Variants in KCNMA1 observed in about 807,000 individuals in gnomAD.
KCNMA1 encodes Calcium-activated potassium channel subunit alpha-1.
A neutral mutation model predicts 140.0 loss-of-function variants in KCNMA1; 29 were observed. The ratio of observed to expected loss-of-function variants is 0.21; its 90% CI spans 0.15 to 0.28. The LOEUF is 0.28. Ranked by LOEUF, KCNMA1 falls within the 10% of genes least tolerant of loss-of-function variation. The pLI, the probability that KCNMA1 is intolerant of heterozygous loss-of-function variation, is 1.00. For synonymous variants in KCNMA1, 612 were observed against 611.9 expected (o/e 1.00, Z 0.00); for missense variants, 880 against 1,602.2 (o/e 0.55, Z 7.70).
intron 1 of KCNMA1, among the ~76,000 whole-genome samples, chr10:77,572,439 C>A (rs1346553985): frequency 4.1e-5 from 6 of 145,078 alleles, no homozygotes; most frequent in Middle Eastern, 3.5e-3. Flanking sequence ...TACTTCTTAT[C>A]AAAAAAAAAT....
intron 1 of KCNMA1, among the ~76,000 whole-genome samples, chr10:77,447,970 A>C (rs920978241): frequency 1.3e-5 from 2 of 152,234 alleles, no homozygotes; most frequent in African/African-American, 4.8e-5. Flanking sequence ...TATAAATAGC[A>C]GGGTTTACGG....
chr10:77,336,949 G>A (rs531978512), intron 2 of KCNMA1, among the ~76,000 whole-genome samples: 8 of 152,228 alleles, frequency 5.3e-5, no homozygotes, highest in Non-Finnish European at 1.5e-5. Flanking sequence ...GCTGTGGGTA[G>A]AGCCTGTGCT....
chr10:77,300,776 A>G (rs950246819), intron 2 of KCNMA1, among the ~76,000 whole-genome samples: 15 of 152,230 alleles, frequency 9.9e-5, no homozygotes, highest in African/African-American at 3.1e-4. Context: ...GGTGCCTACC[A>G]AGCCACCATC....
At chr10:77,526,676 A>C (rs2055808585) in intron 1 of KCNMA1, among the ~76,000 whole-genome samples, 1 of 152,196 alleles carries the variant, frequency 6.6e-6, no homozygotes, top group African/African-American at 2.4e-5. Flanking sequence ...GGCACCTTGA[A>C]ACTGAATTCT....
intron 5 of KCNMA1, among the ~76,000 whole-genome samples, chr10:77,146,721 A>G (rs1292240406): frequency 6.8e-6 from 1 of 146,248 alleles, no homozygotes; most frequent in Non-Finnish European, 1.5e-5. Flanking sequence ...AAAAAAAAAA[A>G]AAAAAAAAAG....
chr10:77,189,576 A>G (rs763485729), intron 3 of KCNMA1, among the ~76,000 whole-genome samples: 5 of 152,166 alleles, frequency 3.3e-5, no homozygotes, highest in Non-Finnish European at 5.9e-5. Flanking sequence ...AGGGATAAAG[A>G]AATGGTAAGT....
intron 19 of KCNMA1, chr10:76,973,920 T>A (rs2076788229): frequency 6.6e-6 from 1 of 152,232 alleles, no homozygotes; most frequent in Admixed American, 6.5e-5. Flanking sequence ...TAGATGGACC[T>A]GATGCTCAGC....
At position 77,002,763 on chromosome 10, in the gene KCNMA1, C is replaced by T. The variant is rs2086913145; in HGVS notation, c.2093-1183G>A. Among the ~76,000 whole-genome samples, 3 of 152,184 alleles carry T rather than the reference C, an allele frequency of 2.0e-5. No homozygotes were observed. The South Asian group carries it at 6.2e-4, about 32-fold the overall frequency. ...GTTTTTGTACCTCATTTTGATGCTA[C>T]AACAGGCAAACATGTTTGCTTATCA... On this transcript the variant is annotated intron_variant, in intron 18 of 27. Coordinates refer to ENST00000286628, the MANE Select transcript of KCNMA1 (RefSeq NM_001161352.2).
chr10:77,480,166 C>G (rs1157048641), intron 1 of KCNMA1, among the ~76,000 whole-genome samples: 1 of 152,226 alleles, frequency 6.6e-6, no homozygotes, highest in Non-Finnish European at 1.5e-5. Context: ...TCCCCCACAC[C>G]CCTAAACCAC....
chr10:76,870,657 T>G (rs1335460265), exon 28 of KCNMA1: 1 of 152,266 alleles, frequency 6.6e-6, no homozygotes, highest in African/African-American at 2.4e-5. Context: ...TGCAGTGACA[T>G]GCACAGGAAG....
At chr10:77,100,790 CCAAT>C (rs2097078182) in intron 9 of KCNMA1, among the ~76,000 whole-genome samples, 1 of 152,100 alleles carries the variant, frequency 6.6e-6, no homozygotes, top group Non-Finnish European at 1.5e-5. Context: ...AAGGATTCAC[CCAAT>C]CAAAGGAGCC....
chr10:77,342,514 C>T (rs1014984580), intron 2 of KCNMA1, among the ~76,000 whole-genome samples: 1 of 152,162 alleles, frequency 6.6e-6, no homozygotes, highest in Non-Finnish European at 1.5e-5. Flanking sequence ...ACCACCCAAC[C>T]CCCAGCCAGA....
intron 2 of KCNMA1, among the ~76,000 whole-genome samples, chr10:77,346,862 G>A (rs1470105846): frequency 6.6e-6 from 1 of 152,190 alleles, no homozygotes; most frequent in South Asian, 2.1e-4. Context: ...TCAAGCCCAA[G>A]GGACAGCCCT....
chr10:77,402,739 A>G (rs1450453828), intron 2 of KCNMA1, among the ~76,000 whole-genome samples: 1 of 152,178 alleles, frequency 6.6e-6, no homozygotes, highest in Admixed American at 6.5e-5. Flanking sequence ...TGTGAGACTC[A>G]GAGATAATGA....
intron 1 of KCNMA1, among the ~76,000 whole-genome samples, chr10:77,625,158 C>T (rs2092291937): frequency 6.6e-6 from 1 of 152,164 alleles, no homozygotes; most frequent in Non-Finnish European, 1.5e-5. Context: ...CTTTGGGAGG[C>T]TGAGGCGGGC....
At chr10:77,369,497 A>G (rs2094550680) in intron 2 of KCNMA1, among the ~76,000 whole-genome samples, 1 of 152,146 alleles carries the variant, frequency 6.6e-6, no homozygotes, top group South Asian at 2.1e-4. Context: ...AATCAATCTG[A>G]TTAAGGCCAT....
intron 19 of KCNMA1, among the ~76,000 whole-genome samples, chr10:76,999,364 T>C (rs2085437958): frequency 6.6e-6 from 1 of 152,186 alleles, no homozygotes; most frequent in Admixed American, 6.5e-5. Context: ...TCCTTTCTTT[T>C]CTCCACTGAG....
At chr10:77,482,751 G>C (rs1323180297) in intron 1 of KCNMA1, among the ~76,000 whole-genome samples, 1 of 151,984 alleles carries the variant, frequency 6.6e-6, no homozygotes, top group East Asian at 1.9e-4. Context: ...CTGGCCTAAA[G>C]AAGCTCTCTT....
chr10:77,087,741 A>G (rs2096725856), intron 10 of KCNMA1, among the ~76,000 whole-genome samples: 1 of 152,198 alleles, frequency 6.6e-6, no homozygotes, highest in Non-Finnish European at 1.5e-5. Flanking sequence ...GATGAAAAAG[A>G]CTGTCGATAA....
Sources: allele counts gnomAD v4.1 joint callset (sites outside exome capture counted in the v4.1 genomes callset), GRCh38; gene constraint gnomAD v4.1.1; transcripts MANE v1.5; gene names NCBI Gene and HGNC (gene_info 2026-07-23, HGNC 2026-07-21).